IL1RAPL2: variants seen among roughly 807,000 people sequenced by gnomAD.
IL1RAPL2 encodes X-linked interleukin-1 receptor accessory protein-like 2.
A neutral mutation model predicts 44.1 loss-of-function variants in IL1RAPL2; 3 were observed. The observed-to-expected ratio is 0.07, with a 90% CI of 0.03 to 0.18. The LOEUF is 0.18. Ranked by LOEUF, IL1RAPL2 falls within the 10% of genes least tolerant of loss-of-function variation. IL1RAPL2 has a pLI of 1.00. For synonymous variants in IL1RAPL2, 181 were observed against 178.8 expected (o/e 1.01, Z -0.10); for missense variants, 391 against 496.4 (o/e 0.79, Z 2.02).
intron 2 of IL1RAPL2, among the ~76,000 whole-genome samples, chrX:105,051,316 C>T (rs2031921345): frequency 9.1e-6 from 1 of 109,483 alleles, no homozygotes; most frequent in Non-Finnish European, 1.9e-5. Context: ...CCCTGAGGTG[C>T]AGGCTGCAGA....
At chrX:104,891,724 A>G (rs925573135) in intron 2 of IL1RAPL2, among the ~76,000 whole-genome samples, 5 of 111,750 alleles carry the variant, frequency 4.5e-5, no homozygotes, top group African/African-American at 1.3e-4. Context: ...TAAATATACA[A>G]TCATATCATC....
chrX:105,658,918 C>T (rs763850107), intron 6 of IL1RAPL2, among the ~76,000 whole-genome samples: 4 of 100,775 alleles, frequency 4.0e-5, no homozygotes, highest in East Asian at 3.1e-4. Flanking sequence ...GCCAAGGTCA[C>T]GCCATTGCAC....
rs2038737191 is a variant in IL1RAPL2 at position 105,767,057 on chromosome X, T to C, written c.1457T>C (p.Ile486Thr). The change falls in exon 11 of 11, where the codon ATT (isoleucine) becomes ACT (threonine). Residue 486 changes from isoleucine (I) to threonine (T), a missense_variant. Ile to Thr is a moderately conservative substitution (Grantham distance 89). Around this residue, in one of 2 missense-constraint regions of IL1RAPL2, gnomAD observed 232 missense variants for 244.8 expected, o/e 0.95. Transcript: ENST00000372582. ...TATATTCTCAGACGGGGATGGAGTA[T>C]TTTCGAACTGGAAAGCAGACTCCAT... ...PDYILRRGWSIFELESRLHNM... is the reference protein window; with the variant it reads ...PDYILRRGWSTFELESRLHNM... 8.3e-7 allele frequency: 1 copy of C among 1,204,880 alleles called. No homozygotes were observed. Among genetic ancestry groups the C allele is most frequent in the African/African-American group, 1.8e-5 (1 of 56,989 alleles).
chrX:105,647,997 A>G (rs2037618446), intron 6 of IL1RAPL2, among the ~76,000 whole-genome samples: 1 of 111,955 alleles, frequency 8.9e-6, no homozygotes, highest in African/African-American at 3.2e-5. Flanking sequence ...GCCATAGCAC[A>G]ATGTAAGAAA....
At position 105,292,566 on chromosome X, in the gene IL1RAPL2, G is replaced by A. The variant is rs150300779; in HGVS notation, c.697+25025G>A. Among the ~76,000 whole-genome samples the A allele has an allele frequency of 6.1e-3, 678 of 111,722 alleles. 11 individuals carry two copies. Among genetic ancestry groups the A allele is most frequent in the African/African-American group, 0.021 (641 of 30,819 alleles). Reference sequence around the variant, plus strand: ...TAGAATCAGATATGATAATTTAGTTGTCTTCTGATAAGCCAGGCATTAAAC... The same window carrying A: ...TAGAATCAGATATGATAATTTAGTTATCTTCTGATAAGCCAGGCATTAAAC... On this transcript the variant is annotated intron_variant, in intron 5 of 10. Transcript: ENST00000372582.
intron 6 of IL1RAPL2, among the ~76,000 whole-genome samples, chrX:105,656,318 A>G (rs191716173): frequency 2.7e-5 from 3 of 112,370 alleles, no homozygotes; most frequent in East Asian, 5.6e-4. Flanking sequence ...TGAGTTCTAC[A>G]TATGCATACC....
At chrX:105,410,314 TG>T (rs1472345040) in intron 5 of IL1RAPL2, among the ~76,000 whole-genome samples, 3 of 108,889 alleles carry the variant, frequency 2.8e-5, no homozygotes. Context: ...AAGTATTGGT[TG>T]GTGAGGTAGG....
intron 5 of IL1RAPL2, among the ~76,000 whole-genome samples, chrX:105,316,000 G>A (rs7876454): frequency 0.11 from 12,510 of 110,618 alleles, 1,720 homozygotes; most frequent in African/African-American, 0.39. Context: ...TAGGCCAGGC[G>A]CAGTGGCTCA....
At position 104,997,171 on chromosome X, in the gene IL1RAPL2, T is replaced by C. The variant is rs931167386; in HGVS notation, c.83-198304T>C. Among the ~76,000 whole-genome samples, 12 of 111,798 alleles carry C rather than the reference T, an allele frequency of 1.1e-4. 1 individual carries two copies. The highest frequency in any genetic ancestry group is 3.9e-4 in the African/African-American group (12 of 30,753). The stretch of plus-strand genomic sequence containing the variant: ...GGTAGCAACTATTCACATGTGGACA[T>C]TGAGCATTTAATATGTGGCTAGTCA... On this transcript the variant is annotated intron_variant, in intron 2 of 10. Transcript: ENST00000372582.
In IL1RAPL2 at chrX:105,535,949, T is replaced by A. The variant is rs191825433; in HGVS notation, c.772+51562T>A. On this transcript the variant is annotated intron_variant, in intron 6 of 10. Coordinates refer to ENST00000372582, the MANE Select transcript of IL1RAPL2 (RefSeq NM_017416.2). ...TATTTTAATTCAGTAAATTAAAAAA[T>A]TTACAGTAAATTAAAAATTCACTTA... 2.3e-3 allele frequency among the ~76,000 whole-genome samples: 257 copies of A among 110,424 alleles called. 3 individuals are homozygous for A. Among genetic ancestry groups the A allele is most frequent in the African/African-American group, 8.0e-3 (243 of 30,420 alleles).
intron 1 of IL1RAPL2, among the ~76,000 whole-genome samples, chrX:104,612,526 A>G (rs779894449): frequency 6.3e-5 from 7 of 111,138 alleles, no homozygotes; most frequent in Non-Finnish European, 1.3e-4. Context: ...ATTCTGTTCC[A>G]TTGGTTTATG....
At chrX:105,212,278 C>T (rs926079952) in intron 3 of IL1RAPL2, among the ~76,000 whole-genome samples, 2 of 111,868 alleles carry the variant, frequency 1.8e-5, no homozygotes, top group African/African-American at 3.2e-5. Flanking sequence ...GCTTTGTTGG[C>T]GGAGTGGTGT....
At chrX:105,749,425 G>A (rs900933876) in intron 9 of IL1RAPL2, among the ~76,000 whole-genome samples, 2 of 111,678 alleles carry the variant, frequency 1.8e-5, no homozygotes, top group South Asian at 3.7e-4. Flanking sequence ...TAAAACAATT[G>A]CTGTCAAATC....
At chrX:104,618,027 C>T (rs1929312854) in intron 1 of IL1RAPL2, among the ~76,000 whole-genome samples, 1 of 111,702 alleles carries the variant, frequency 9.0e-6, no homozygotes, top group Non-Finnish European at 1.9e-5. Context: ...TATTTTTTCC[C>T]TGTAATATTA....
intron 6 of IL1RAPL2, among the ~76,000 whole-genome samples, chrX:105,609,324 A>T (rs990302279): frequency 5.5e-5 from 4 of 72,895 alleles, no homozygotes; most frequent in Admixed American, 3.6e-4. Context: ...GATGATAGTC[A>T]TACAACATTG....
At chrX:105,589,636 GT>G (rs941517319) in intron 6 of IL1RAPL2, among the ~76,000 whole-genome samples, 1 of 110,814 alleles carries the variant, frequency 9.0e-6, no homozygotes, top group Non-Finnish European at 1.9e-5. Flanking sequence ...TGAATAGGGA[GT>G]TTTTCCCTAT....
At chrX:104,964,399 C>T (rs1466752036) in intron 2 of IL1RAPL2, among the ~76,000 whole-genome samples, 4 of 107,841 alleles carry the variant, frequency 3.7e-5, no homozygotes, top group African/African-American at 6.8e-5. Flanking sequence ...GCAAGCTCCA[C>T]CTCCTGGGTT....
chrX:105,134,638 A>G (rs1400224258), intron 2 of IL1RAPL2, among the ~76,000 whole-genome samples: 1 of 111,463 alleles, frequency 9.0e-6, no homozygotes, highest in Non-Finnish European at 1.9e-5. Context: ...TTTATGAACA[A>G]TAAAAAGTAG....
chrX:105,034,599 G>T (rs1302526164), intron 2 of IL1RAPL2, among the ~76,000 whole-genome samples: 3 of 111,742 alleles, frequency 2.7e-5, no homozygotes, highest in Non-Finnish European at 3.8e-5. Context: ...TGTTCCTCTG[G>T]AGGTTTTGTC....
Sources: allele counts gnomAD v4.1 joint callset (sites outside exome capture counted in the v4.1 genomes callset), GRCh38; gene constraint gnomAD v4.1.1; regional missense constraint gnomAD v4.1.1; transcripts MANE v1.5; gene names NCBI Gene and HGNC (gene_info 2026-07-23, HGNC 2026-07-21).